The following FKBP6 variants were observed in gnomAD, a reference collection of about 807,000 sequenced individuals.
FKBP6 encodes FKBP prolyl isomerase family member 6 (inactive), also known as inactive peptidyl-prolyl cis-trans isomerase FKBP6.
Under a neutral mutation model 41.7 loss-of-function variants are expected in FKBP6, and 29 were observed. That is an observed-to-expected ratio of 0.70 (90% CI 0.52 to 0.95). The LOEUF (loss-of-function observed/expected upper bound fraction) is 0.95, where lower values mean the gene tolerates loss of function less well. Ranked by LOEUF, FKBP6 falls within the 40% of genes least tolerant of loss-of-function variation. FKBP6 has a pLI of 0.00. For synonymous variants in FKBP6, 130 were observed against 165.1 expected (o/e 0.79, Z 1.63); for missense variants, 338 against 408.7 (o/e 0.83, Z 1.49).
intron 7 of FKBP6, among the ~76,000 whole-genome samples, chr7:73,342,447 A>G (rs1805218310): frequency 2.0e-5 from 3 of 152,190 alleles, no homozygotes; most frequent in Non-Finnish European, 4.4e-5. Flanking sequence ...TCTGGTATTT[A>G]AAAGTATCCT....
At chr7:73,332,549 G>A (rs924595049) in intron 5 of FKBP6, among the ~76,000 whole-genome samples, 28 of 151,938 alleles carry the variant, frequency 1.8e-4, no homozygotes, top group Admixed American at 1.8e-3. Flanking sequence ...GGGACTAACG[G>A]GGGGATAAGG....
chr7:73,331,270 C>G (rs1804832417), intron 4 of FKBP6, among the ~76,000 whole-genome samples: 1 of 152,212 alleles, frequency 6.6e-6, no homozygotes, highest in Admixed American at 6.5e-5. Flanking sequence ...TGAGCACTGA[C>G]TTCTGTGCTT....
At chr7:73,341,522 T>C (rs986973228) in intron 7 of FKBP6, 140 bp downstream of exon 7, 13 of 708,252 alleles carry the variant, frequency 1.8e-5, no homozygotes, top group Non-Finnish European at 3.3e-5. Context: ...GCTGGGTTTC[T>C]GAAGTGCTCG....
intron 4 of FKBP6, 51 bp from the exon 5 acceptor site, chr7:73,331,606 G>A (rs367911827): frequency 1.8e-5 from 29 of 1,608,772 alleles, no homozygotes; most frequent in Middle Eastern, 1.6e-4. Flanking sequence ...TTCCATTGTG[G>A]CATTACTGCT....
At chr7:73,345,138 A>C (rs1805300109) in intron 8 of FKBP6, among the ~76,000 whole-genome samples, 1 of 151,972 alleles carries the variant, frequency 6.6e-6, no homozygotes, top group Non-Finnish European at 1.5e-5. Context: ...AGCCTCTAAT[A>C]AAACATCCTC....
intron 5 of FKBP6, among the ~76,000 whole-genome samples, chr7:73,334,790 TAA>T (rs1554548259): frequency 6.6e-6 from 1 of 152,186 alleles, no homozygotes; most frequent in Non-Finnish European, 1.5e-5. Flanking sequence ...CCTTTTGCAC[TAA>T]GTTTGTCAAT....
chr7:73,350,904 T>C (rs1805471541), intron 8 of FKBP6, among the ~76,000 whole-genome samples: 1 of 152,060 alleles, frequency 6.6e-6, no homozygotes, highest in Admixed American at 6.6e-5. Flanking sequence ...CGGGAGCAGA[T>C]CATCATCTCT....
intron 5 of FKBP6, chr7:73,336,639 GCTA>G (rs1296534447): frequency 2.4e-6 from 1 of 415,296 alleles, no homozygotes; most frequent in African/African-American, 2.1e-5. Flanking sequence ...ATAGGCAAAT[GCTA>G]CAAACAGGGG....
At chr7:73,336,625 A>G (rs4717751) in intron 5 of FKBP6, 45,435 of 371,290 alleles carry the variant, frequency 0.12, 3,094 homozygotes, top group Middle Eastern at 0.16. Flanking sequence ...TTTACAGCAT[A>G]GGAATAGGCA....
At chr7:73,342,531 G>A (rs1387319858) in intron 7 of FKBP6, among the ~76,000 whole-genome samples, 9 of 152,282 alleles carry the variant, frequency 5.9e-5, no homozygotes, top group Admixed American at 4.6e-4. Flanking sequence ...GTCGTTTGGC[G>A]AGACTCAGCC....
At chr7:73,341,733 G>A (rs1431857368) in intron 7 of FKBP6, among the ~76,000 whole-genome samples, 8 of 148,592 alleles carry the variant, frequency 5.4e-5, no homozygotes, top group East Asian at 4.0e-4. Context: ...GCATGATCTC[G>A]GCTCACTGCA....
At chr7:73,350,385 A>G (rs1554550949) in intron 8 of FKBP6, among the ~76,000 whole-genome samples, 1 of 152,166 alleles carries the variant, frequency 6.6e-6, no homozygotes, top group Non-Finnish European at 1.5e-5. Context: ...CTCTGTGTGT[A>G]TAAACAACTG....
chr7:73,354,332 G>A (rs1397682984), intron 8 of FKBP6, among the ~76,000 whole-genome samples: 4 of 152,216 alleles, frequency 2.6e-5, no homozygotes, highest in African/African-American at 4.8e-5. Context: ...GGTGGAGCAC[G>A]AGGGTGGCTG....
intron 5 of FKBP6, among the ~76,000 whole-genome samples, chr7:73,335,015 G>A (rs781979176): frequency 6.6e-6 from 1 of 151,962 alleles, no homozygotes; most frequent in Non-Finnish European, 1.5e-5. Context: ...TGTTAAGGAA[G>A]GTCCTTGTCA....
intron 5 of FKBP6, chr7:73,336,871 T>C (rs1238441358): frequency 2.2e-6 from 1 of 453,514 alleles, no homozygotes; most frequent in Non-Finnish European, 4.4e-6. Context: ...TTCCACAAAA[T>C]GGATGGTTAG....
chr7:73,330,376 A>G (rs375344327), intron 4 of FKBP6, 24 bp downstream of exon 4: 2 of 1,550,268 alleles, frequency 1.3e-6, no homozygotes, highest in Non-Finnish European at 1.8e-6. Context: ...CACAGATGTC[A>G]GCACTTTATA....
chr7:73,333,905 C>T (rs1205887771), intron 5 of FKBP6, among the ~76,000 whole-genome samples: 4 of 152,118 alleles, frequency 2.6e-5, no homozygotes, highest in African/African-American at 9.7e-5. Context: ...AACCCCGTCT[C>T]TACTAAAAAT....
intron 5 of FKBP6, chr7:73,336,889 G>C (rs556565421): frequency 6.7e-6 from 3 of 448,282 alleles, no homozygotes; most frequent in African/African-American, 6.0e-5. Context: ...TAGACTTGAT[G>C]ACGTTGTATA....
At position 73,341,326 on chromosome 7, in the gene FKBP6, C is replaced by T. The variant is rs372385676; in HGVS notation, c.837C>T (p.Ala279=). ...YQKARDFLVR[A]QKEQPFNHDI... The stretch of plus-strand genomic sequence containing the variant: ...AGGCCCGGGATTTTCTAGTTCGAGC[C>T]CAGAAGGAGCAACCCTTCAATCATG... Residue 279 remains alanine (A), a synonymous_variant, in exon 7 of 9, where the codon GCC becomes GCT. Transcript: ENST00000252037. The T allele has an allele frequency of 9.3e-6, 15 of 1,613,718 alleles. No individual in the cohort carries two copies. The African/African-American group carries it at 2.0e-4, about 22-fold the overall frequency.
Sources: allele counts gnomAD v4.1 joint callset (sites outside exome capture counted in the v4.1 genomes callset), GRCh38; gene constraint gnomAD v4.1.1; transcripts MANE v1.5; gene names NCBI Gene and HGNC (gene_info 2026-07-23, HGNC 2026-07-21).